SRRM4: variants seen among roughly 807,000 people sequenced by gnomAD.
SRRM4 encodes serine/arginine repetitive matrix protein 4.
Under a neutral mutation model 68.9 loss-of-function variants are expected in SRRM4, and 33 were observed. The observed-to-expected ratio is 0.48, with a 90% CI of 0.36 to 0.64. The LOEUF is 0.64. Among genes scored for constraint, SRRM4 ranks in the 30% least tolerant of loss-of-function variants. The pLI is 0.00. For synonymous variants in SRRM4, 318 were observed against 318.8 expected (o/e 1.00, Z 0.03); for missense variants, 817 against 827.1 (o/e 0.99, Z 0.15).
In SRRM4 at chr12:119,109,334, G is replaced by A. The variant is rs146040804; in HGVS notation, c.279-4944G>A. 1.3e-3 allele frequency among the ~76,000 whole-genome samples: 198 copies of A among 152,090 alleles called. 2 individuals carry two copies. The East Asian group carries it at 0.022, about 17-fold the overall frequency. ...CTCTTCTTGAGGAGTATCTTGTGGC[G>A]TTCTCTGTATTTCCTGAATTTGAAT... On this transcript the variant is annotated intron_variant, in intron 2 of 12. Coordinates refer to ENST00000267260, the MANE Select transcript of SRRM4 (RefSeq NM_194286.4).
chr12:119,033,096 A>G (rs1594035918), intron 1 of SRRM4, among the ~76,000 whole-genome samples: 1 of 152,146 alleles, frequency 6.6e-6, no homozygotes, highest in Non-Finnish European at 1.5e-5. Flanking sequence ...TTAGCTTTCA[A>G]TTTTTAAAAA....
Position 119,162,866 on chromosome 12 carries a change from T to C in SRRM4, c.*6068T>C, listed in dbSNP as rs1461288419. ...CTCTGCCTGGAGCATTCACATCAGA[T>C]GGAAAGAAGCTGCTGTGTCCTCCAG... is the stretch of plus-strand genomic sequence containing the variant. On this transcript the variant is annotated 3_prime_UTR_variant, in exon 13 of 13. Transcript: ENST00000267260. 1 of 152,230 alleles carries C rather than the reference T, an allele frequency of 6.6e-6. No homozygotes were observed. Among genetic ancestry groups the C allele is most frequent in the African/African-American group, 2.4e-5 (1 of 41,444 alleles). The allele number at this position is 152,230 out of a possible 1,614,324, so 9.4% of individuals were successfully genotyped here.
At chr12:119,066,471 G>A (rs1383183770) in intron 1 of SRRM4, among the ~76,000 whole-genome samples, 1 of 152,186 alleles carries the variant, frequency 6.6e-6, no homozygotes, top group African/African-American at 2.4e-5. Flanking sequence ...CATGTCAGCA[G>A]AATCAGCATC....
chr12:118,984,427 A>G (rs981362277), intron 1 of SRRM4, among the ~76,000 whole-genome samples: 10 of 152,160 alleles, frequency 6.6e-5, no homozygotes, highest in African/African-American at 2.4e-4. Flanking sequence ...CCATGAGTCA[A>G]GCCCAGATCA....
intron 1 of SRRM4, among the ~76,000 whole-genome samples, chr12:119,038,694 C>G (rs1017618684): frequency 5.3e-5 from 8 of 152,160 alleles, no homozygotes; most frequent in African/African-American, 1.9e-4. Context: ...TGGATTCATG[C>G]TCCACGTTTT....
intron 2 of SRRM4, among the ~76,000 whole-genome samples, chr12:119,106,791 T>C (rs1954110351): frequency 6.6e-6 from 1 of 152,342 alleles, no homozygotes; most frequent in South Asian, 2.1e-4. Context: ...CCTAATTGAA[T>C]ACCCTTTATT....
At chr12:118,988,551 G>A (rs1054002802) in intron 1 of SRRM4, among the ~76,000 whole-genome samples, 7 of 152,166 alleles carry the variant, frequency 4.6e-5, no homozygotes, top group Non-Finnish European at 8.8e-5. Flanking sequence ...CAGTGATGGG[G>A]GGATTATAGC....
chr12:118,988,216 C>T lies in SRRM4; in HGVS notation c.131+6203C>T, dbSNP rs537154772. On this transcript the variant is annotated intron_variant, in intron 1 of 12. Coordinates refer to ENST00000267260, the MANE Select transcript of SRRM4 (RefSeq NM_194286.4). The stretch of plus-strand genomic sequence containing the variant: ...CAGTTATTTTTAGTTATCCGATCTG[C>T]AAAATGGGGATGATTCTTCTATTTC... 2.6e-5 allele frequency among the ~76,000 whole-genome samples: 4 copies of T among 152,184 alleles called. No individual in the cohort carries two copies. In the South Asian group the frequency reaches 8.3e-4, roughly 32 times the overall value.
intron 1 of SRRM4, among the ~76,000 whole-genome samples, chr12:119,079,081 G>T (rs1376816826): frequency 1.3e-5 from 2 of 152,212 alleles, no homozygotes; most frequent in African/African-American, 4.8e-5. Flanking sequence ...GGTCCAGGAG[G>T]ATGTGATGCA....
At chr12:119,024,565 G>T (rs1382008892) in intron 1 of SRRM4, among the ~76,000 whole-genome samples, 2 of 152,194 alleles carry the variant, frequency 1.3e-5, no homozygotes, top group Non-Finnish European at 2.9e-5. Context: ...CGTATCTCCT[G>T]TATGTCCTGG....
At chr12:119,095,081 A>T (rs1954035144) in intron 1 of SRRM4, among the ~76,000 whole-genome samples, 1 of 152,216 alleles carries the variant, frequency 6.6e-6, no homozygotes, top group Non-Finnish European at 1.5e-5. Context: ...CCACAATGGC[A>T]AAGCTCAAAG....
chr12:119,040,910 C>T (rs1242527180), intron 1 of SRRM4, among the ~76,000 whole-genome samples: 8 of 150,206 alleles, frequency 5.3e-5, no homozygotes, highest in East Asian at 2.0e-4. Flanking sequence ...CCACAATGCT[C>T]GGCTAATTTT....
intron 1 of SRRM4, among the ~76,000 whole-genome samples, chr12:119,014,621 G>C (rs193150562): frequency 6.6e-6 from 1 of 152,286 alleles, no homozygotes; most frequent in East Asian, 1.9e-4. Flanking sequence ...TTAAAGAGTA[G>C]ACACAAGGTA....
intron 1 of SRRM4, among the ~76,000 whole-genome samples, chr12:119,005,752 A>T (rs78579397): frequency 1.2e-3 from 179 of 152,286 alleles, no homozygotes; most frequent in Non-Finnish European, 2.2e-3. Flanking sequence ...TGTTTGCATT[A>T]TTGTTACTGA....
chr12:119,105,334 C>G (rs1954100581), intron 2 of SRRM4, among the ~76,000 whole-genome samples: 1 of 152,138 alleles, frequency 6.6e-6, no homozygotes, highest in Non-Finnish European at 1.5e-5. Flanking sequence ...GTTATATACC[C>G]AGTAATTGGA....
At chr12:119,115,433 C>T (rs1427358342) in intron 3 of SRRM4, among the ~76,000 whole-genome samples, 1 of 152,156 alleles carries the variant, frequency 6.6e-6, no homozygotes, top group East Asian at 1.9e-4. Flanking sequence ...CTTAAGGCTG[C>T]CAACTGAGAA....
chr12:118,992,648 T>C (rs1343035196), intron 1 of SRRM4, among the ~76,000 whole-genome samples: 4 of 152,194 alleles, frequency 2.6e-5, no homozygotes, highest in Admixed American at 2.6e-4. Context: ...GAGGCCATCA[T>C]CATTATAGCA....
chr12:119,149,538 T>A (rs959559173), intron 9 of SRRM4, among the ~76,000 whole-genome samples: 1 of 152,006 alleles, frequency 6.6e-6, no homozygotes, highest in East Asian at 1.9e-4. Context: ...AGAACTAAGG[T>A]CTGTGGTAAC....
At chr12:118,983,631 G>A (rs1953264056) in intron 1 of SRRM4, among the ~76,000 whole-genome samples, 1 of 152,144 alleles carries the variant, frequency 6.6e-6, no homozygotes, top group Non-Finnish European at 1.5e-5. Flanking sequence ...GAAACTAGAA[G>A]TATGGCATTT....
Sources: gnomAD v4.1 joint callset for allele counts (sites outside exome capture counted in the v4.1 genomes callset) on GRCh38, gnomAD v4.1.1 for gene constraint, MANE v1.5 for transcripts, NCBI Gene and HGNC (gene_info 2026-07-23, HGNC 2026-07-21) for gene names.